The following MCC variants were observed in gnomAD, a reference collection of about 807,000 sequenced individuals.
MCC encodes the protein MCC regulator of Wnt signaling pathway.
A neutral mutation model predicts 116.2 loss-of-function variants in MCC; 90 were observed. The ratio of observed to expected loss-of-function variants is 0.77; its 90% confidence interval spans 0.65 to 0.92. The LOEUF is 0.92. Among genes scored for constraint, MCC ranks in the 40% least tolerant of loss-of-function variants. The pLI is 0.00. For missense variants in MCC, 1,516 were observed against 1,312.2 expected (o/e 1.16, Z -2.40); for synonymous variants, 578 against 510.5 (o/e 1.13, Z -1.78).
intron 1 of MCC, among the ~76,000 whole-genome samples, chr5:113,420,751 T>C (rs115265502): frequency 0.011 from 1,651 of 152,248 alleles, 29 homozygotes; most frequent in African/African-American, 0.038. Flanking sequence ...ATTAACCCAG[T>C]TTTTTCATAC....
chr5:113,162,986 G>A (rs140451990), intron 3 of MCC, among the ~76,000 whole-genome samples: 1 of 152,290 alleles, frequency 6.6e-6, no homozygotes, highest in Non-Finnish European at 1.5e-5. Context: ...GAGTAATCTA[G>A]AGTCTGCCTT....
chr5:113,085,333 C>A (rs1055223073), intron 8 of MCC, 23 bp from the exon 9 acceptor site: 2 of 1,588,412 alleles, frequency 1.3e-6, no homozygotes, highest in African/African-American at 2.7e-5. Context: ...TGCTTTTAGA[C>A]ATAGTTGGTG....
At chr5:113,329,272 G>C (rs1477855134) in intron 3 of MCC, among the ~76,000 whole-genome samples, 1 of 152,118 alleles carries the variant, frequency 6.6e-6, no homozygotes, top group Non-Finnish European at 1.5e-5. Context: ...GTTGCTATGA[G>C]GGTCCAGGTG....
chr5:113,397,882 T>A (rs1421746041), intron 1 of MCC, among the ~76,000 whole-genome samples: 1 of 152,150 alleles, frequency 6.6e-6, no homozygotes, highest in Non-Finnish European at 1.5e-5. Context: ...CAAAAGAAAC[T>A]ATCAACTGAG....
intron 17 of MCC, among the ~76,000 whole-genome samples, chr5:113,039,021 C>T (rs1751505081): frequency 6.6e-6 from 1 of 152,118 alleles, no homozygotes; most frequent in Non-Finnish European, 1.5e-5. Context: ...GAGGGCAGGG[C>T]GCTGACTCCT....
At chr5:113,087,099 G>C (rs536990240) in intron 8 of MCC, among the ~76,000 whole-genome samples, 2 of 152,174 alleles carry the variant, frequency 1.3e-5, no homozygotes, top group Non-Finnish European at 2.9e-5. Flanking sequence ...TTCTAGACAG[G>C]GCAGAGAACA....
At chr5:113,202,887 C>T (rs1762747284) in intron 3 of MCC, among the ~76,000 whole-genome samples, 1 of 152,042 alleles carries the variant, frequency 6.6e-6, no homozygotes, top group East Asian at 1.9e-4. Context: ...ATTCTCAACC[C>T]TGTTTTTCAT....
chr5:113,060,838 G>C (rs1315394817), intron 14 of MCC, among the ~76,000 whole-genome samples: 1 of 152,182 alleles, frequency 6.6e-6, no homozygotes. Flanking sequence ...GTAAGCGTTT[G>C]TCTCAAGGAC....
chr5:113,163,961 G>A (rs1760638322), intron 3 of MCC, among the ~76,000 whole-genome samples: 1 of 152,068 alleles, frequency 6.6e-6, no homozygotes, highest in Non-Finnish European at 1.5e-5. Flanking sequence ...TCTTTCTCAG[G>A]TTTATTGTAT....
At chr5:113,201,172 G>A (rs1762658918) in intron 3 of MCC, among the ~76,000 whole-genome samples, 1 of 152,040 alleles carries the variant, frequency 6.6e-6, no homozygotes, top group Non-Finnish European at 1.5e-5. Context: ...GATCACCTGA[G>A]GTCGGGAATT....
rs181570187 is a variant in MCC, at chr5:113,193,436, T to G, written c.628-42014A>C. Among the ~76,000 whole-genome samples the G allele has an allele frequency of 2.0e-5, 3 of 152,168 alleles. No homozygotes were observed. The South Asian group carries it at 6.2e-4, about 32-fold the overall frequency. ...ATTTGAGAATGGTAACATGGGGTTG[T>G]TGGAAATATTTTCTCCTGTTTGTCT... On this transcript the variant is annotated intron_variant, in intron 3 of 18. Coordinates refer to ENST00000408903, the MANE Select transcript of MCC (RefSeq NM_001085377.2).
chr5:113,322,594 G>C (rs1296730261), intron 3 of MCC, among the ~76,000 whole-genome samples: 1 of 152,134 alleles, frequency 6.6e-6, no homozygotes, highest in Non-Finnish European at 1.5e-5. Flanking sequence ...CTTGGGTAAA[G>C]TCAACATCAA....
intron 1 of MCC, among the ~76,000 whole-genome samples, chr5:113,430,930 A>G (rs1036572940): frequency 7.2e-5 from 11 of 152,174 alleles, no homozygotes; most frequent in African/African-American, 2.4e-4. Flanking sequence ...CACATGGAGA[A>G]TGGAAAGGAG....
At chr5:113,120,499 C>G (rs1166547209) in intron 6 of MCC, among the ~76,000 whole-genome samples, 1 of 152,212 alleles carries the variant, frequency 6.6e-6, no homozygotes, top group African/African-American at 2.4e-5. Context: ...CCACTGGCTT[C>G]CAGAATACCA....
intron 4 of MCC, among the ~76,000 whole-genome samples, chr5:113,147,268 T>C (rs932774184): frequency 1.3e-5 from 2 of 152,208 alleles, no homozygotes; most frequent in African/African-American, 4.8e-5. Flanking sequence ...TTTAGGCTCA[T>C]CCCTGCTATG....
intron 3 of MCC, among the ~76,000 whole-genome samples, chr5:113,204,332 A>G (rs1762818765): frequency 6.6e-6 from 1 of 152,208 alleles, no homozygotes; most frequent in African/African-American, 2.4e-5. Flanking sequence ...GAAAAGCTCT[A>G]TTGATTGATC....
At chr5:113,432,116 T>C (rs922243981) in intron 1 of MCC, among the ~76,000 whole-genome samples, 2 of 146,556 alleles carry the variant, frequency 1.4e-5, no homozygotes, top group African/African-American at 5.1e-5. Context: ...AGCCTGGAGA[T>C]AGAGCGAGAC....
intron 3 of MCC, among the ~76,000 whole-genome samples, chr5:113,286,690 GT>G (rs1231630741): frequency 6.6e-6 from 1 of 152,104 alleles, no homozygotes; most frequent in East Asian, 1.9e-4. Context: ...TCAACATATG[GT>G]TTTTGGTATG....
chr5:113,259,917 G>C (rs371851791), intron 3 of MCC, among the ~76,000 whole-genome samples: 1 of 152,096 alleles, frequency 6.6e-6, no homozygotes. Context: ...TCTCAGGTAA[G>C]TGTTTATTTC....
Sources: allele counts gnomAD v4.1 joint callset (sites outside exome capture counted in the v4.1 genomes callset), GRCh38; gene constraint gnomAD v4.1.1; transcripts MANE v1.5; gene names NCBI Gene and HGNC (gene_info 2026-07-23, HGNC 2026-07-21).